The following SETD5 variants were observed in gnomAD, a reference collection of about 807,000 sequenced individuals.
SETD5 encodes the protein histone-lysine N-methyltransferase SETD5.
In SETD5, 44 loss-of-function variants were observed where a neutral mutation model predicts 153.3. The observed-to-expected ratio is 0.29, with a 90% CI of 0.23 to 0.37. SETD5 has a LOEUF of 0.37. Among genes scored for constraint, SETD5 ranks in the 10% least tolerant of loss-of-function variants. SETD5 has a pLI of 1.00. For missense variants in SETD5, 1,544 were observed against 1,768.0 expected (o/e 0.87, Z 2.27); for synonymous variants, 716 against 645.2 (o/e 1.11, Z -1.66).
At chr3:9,412,932 T>C (rs1373894927) in intron 1 of SETD5, among the ~76,000 whole-genome samples, 2 of 151,516 alleles carry the variant, frequency 1.3e-5, no homozygotes, top group Non-Finnish European at 2.9e-5. Context: ...TCTTGCTATG[T>C]TGCCCAGCTG....
chr3:9,456,748 G>T (rs1322343622), intron 17 of SETD5, among the ~76,000 whole-genome samples: 1 of 152,142 alleles, frequency 6.6e-6, no homozygotes, highest in South Asian at 2.1e-4. Context: ...GCTGAGGCGG[G>T]CAGATCACGA....
intron 1 of SETD5, among the ~76,000 whole-genome samples, chr3:9,410,748 T>G (rs1575196947): frequency 6.6e-6 from 1 of 152,164 alleles, no homozygotes; most frequent in Non-Finnish European, 1.5e-5. Flanking sequence ...TTCTAGATTT[T>G]TCACTAACTA....
chr3:9,470,927 AAAGT>A lies in SETD5; in HGVS notation c.3195+3_3195+6del. 2 of 1,537,578 alleles carry A rather than the reference AAAGT, an allele frequency of 1.3e-6. No homozygotes were observed. The highest frequency in any genetic ancestry group is 1.8e-6 in the Non-Finnish European group (2 of 1,131,258). ...CCCCCAGAACCCACCACAGAGGAAA[AAAGT>A]AAGTGTTTCATGTTATATCGGCGAA... On this transcript the variant is annotated splice_donor_variant and coding_sequence_variant, in exon 19 of 23. Transcript: ENST00000402198. LOFTEE classifies it high-confidence loss of function.
At chr3:9,402,851 G>A (rs544146085) in intron 1 of SETD5, among the ~76,000 whole-genome samples, 5 of 152,290 alleles carry the variant, frequency 3.3e-5, no homozygotes, top group East Asian at 3.9e-4. Context: ...CTCTGTTTGA[G>A]AAATAGATGG....
At chr3:9,404,001 A>G (rs1575151229) in intron 1 of SETD5, among the ~76,000 whole-genome samples, 1 of 152,228 alleles carries the variant, frequency 6.6e-6, no homozygotes, top group East Asian at 1.9e-4. Flanking sequence ...TCTTTTATGA[A>G]GGAATATATG....
At chr3:9,432,994 T>G (rs1437252517) in intron 3 of SETD5, among the ~76,000 whole-genome samples, 1 of 152,206 alleles carries the variant, frequency 6.6e-6, no homozygotes, top group Non-Finnish European at 1.5e-5. Context: ...TGTGTAACCT[T>G]GGGGAAGTCA....
chr3:9,412,397 T>TG (rs1575210136), intron 1 of SETD5, among the ~76,000 whole-genome samples: 2 of 139,190 alleles, frequency 1.4e-5, no homozygotes, highest in South Asian at 2.4e-4. Context: ...GTTTTTTTTT[T>TG]TTTTTTTTTT....
At chr3:9,439,776 C>T (rs886949588) in intron 7 of SETD5, among the ~76,000 whole-genome samples, 2 of 152,152 alleles carry the variant, frequency 1.3e-5, no homozygotes, top group East Asian at 1.9e-4. Context: ...CCTACCTACT[C>T]CTCTCCCCTC....
intron 17 of SETD5, among the ~76,000 whole-genome samples, chr3:9,463,661 A>G (rs2044234891): frequency 6.6e-6 from 1 of 152,240 alleles, no homozygotes; most frequent in Non-Finnish European, 1.5e-5. Context: ...AAAAGGGGCT[A>G]GACATGGATC....
chr3:9,444,878 A>G (rs188826296), intron 11 of SETD5, among the ~76,000 whole-genome samples, 170 bp from the exon 12 acceptor site: 45 of 152,306 alleles, frequency 3.0e-4, no homozygotes, highest in Non-Finnish European at 4.4e-5. Context: ...TCCGTCTCCA[A>G]TAAAAAGAAA....
At chr3:9,419,570 A>G (rs189059415) in intron 1 of SETD5, among the ~76,000 whole-genome samples, 2 of 152,206 alleles carry the variant, frequency 1.3e-5, no homozygotes, top group African/African-American at 4.8e-5. Flanking sequence ...AAAAATAAAA[A>G]TAAAAACAAT....
chr3:9,462,743 A>G (rs764944755), intron 17 of SETD5, among the ~76,000 whole-genome samples: 1 of 152,166 alleles, frequency 6.6e-6, no homozygotes, highest in Non-Finnish European at 1.5e-5. Context: ...TACTAAAAAT[A>G]CAAAAATTAA....
In SETD5 at chr3:9,425,055, C is replaced by CTTTTTTTTTTTTTTTTT. The variant is rs778883904; in HGVS notation, c.-117+536_-117+552dup. Among the ~76,000 whole-genome samples, 12 of 83,640 alleles carry CTTTTTTTTTTTTTTTTT rather than the reference C, an allele frequency of 1.4e-4. 3 individuals are homozygous for CTTTTTTTTTTTTTTTTT. Among genetic ancestry groups the CTTTTTTTTTTTTTTTTT allele is most frequent in the African/African-American group, 5.4e-4 (11 of 20,434 alleles). 54.9% of individuals were successfully genotyped at this position (83,640 alleles called of 152,430 possible). On this transcript the variant is annotated intron_variant, in intron 2 of 22. Transcript: ENST00000402198. ...AAATTTATAGTTACCGACAATGTTT[C>CTTTTTTTTTTTTTTTTT]TTTTTTTTTTTTTTTTTTTTTTTGA...
chr3:9,476,029 C>T lies in SETD5; in HGVS notation c.4267C>T (p.His1423Tyr). Residue 1423 changes from histidine to tyrosine, a missense_variant, in exon 23 of 23, where the codon CAC becomes TAC. His to Tyr is a moderately conservative substitution (Grantham distance 83). Transcript: ENST00000402198. The part of the protein sequence containing the change: ...HYPHRGSGGV[H>Y]QYRLQPLQGS... ...CCCACACCGTGGGAGTGGGGGTGTGCACCAGTACCGACTCCAGCCACTGCA... is the reference window on the plus strand; with the variant it reads ...CCCACACCGTGGGAGTGGGGGTGTGTACCAGTACCGACTCCAGCCACTGCA... 1 of 1,613,944 alleles carries T rather than the reference C, an allele frequency of 6.2e-7. No individual in the cohort carries two copies. Among genetic ancestry groups the T allele is most frequent in the Non-Finnish European group, 8.5e-7 (1 of 1,179,874 alleles).
At chr3:9,436,881 G>A (rs1354424278) in intron 7 of SETD5, 9 of 1,550,226 alleles carry the variant, frequency 5.8e-6, no homozygotes, top group Admixed American at 2.0e-5. Context: ...AAGTCCTTGC[G>A]GATGAAGGTA....
intron 12 of SETD5, 161 bp from the exon 13 acceptor site, chr3:9,445,496 G>A: frequency 2.3e-6 from 2 of 871,758 alleles, no homozygotes; most frequent in Non-Finnish European, 3.6e-6. Flanking sequence ...TTGCACCAGA[G>A]AATAGGGGTT....
chr3:9,414,817 T>C (rs74797566), intron 1 of SETD5, among the ~76,000 whole-genome samples: 1 of 149,598 alleles, frequency 6.7e-6, no homozygotes, highest in Non-Finnish European at 1.5e-5. Context: ...GAGCATGGAT[T>C]TTTTTTTTTT....
At chr3:9,459,001 T>A (rs1048097823) in intron 17 of SETD5, among the ~76,000 whole-genome samples, 1 of 152,188 alleles carries the variant, frequency 6.6e-6, no homozygotes, top group African/African-American at 2.4e-5. Context: ...ATAAGTTTGT[T>A]TATTCCTGTA....
chr3:9,423,596 G>A (rs1207403866), intron 1 of SETD5, among the ~76,000 whole-genome samples: 1 of 151,054 alleles, frequency 6.6e-6, no homozygotes, highest in African/African-American at 2.4e-5. Flanking sequence ...CTGTTACTTT[G>A]ATACTTTTAT....
Sources: allele counts gnomAD v4.1 joint callset (sites outside exome capture counted in the v4.1 genomes callset), GRCh38; gene constraint gnomAD v4.1.1; transcripts MANE v1.5; gene names NCBI Gene and HGNC (gene_info 2026-07-23, HGNC 2026-07-21).